The following RIMS2 variants were observed in gnomAD, a reference collection of about 807,000 sequenced individuals.
RIMS2 encodes the protein regulating synaptic membrane exocytosis 2.
RIMS2 carries 59 observed loss-of-function variants against 174.4 expected under a neutral mutation model. The ratio of observed to expected loss-of-function variants is 0.34; its 90% CI spans 0.27 to 0.42. The LOEUF (loss-of-function observed/expected upper bound fraction) is 0.42, where lower values mean the gene tolerates loss of function less well. RIMS2 is among the 10% of genes least tolerant of loss of function. RIMS2 has a pLI of 1.00. For missense variants in RIMS2, 1,620 were observed against 1,666.3 expected, an observed-to-expected ratio of 0.97 and a Z score of 0.48; for synonymous variants, 606 against 572.5, an observed-to-expected ratio of 1.06 and a Z score of -0.84.
intron 1 of RIMS2, among the ~76,000 whole-genome samples, chr8:103,585,222 TAAA>T (rs1181188913): frequency 6.6e-6 from 1 of 152,134 alleles, no homozygotes; most frequent in African/African-American, 2.4e-5. Context: ...TGGCGATTAT[TAAA>T]AAGTCAGGAA....
chr8:103,997,490 A>T (rs543302080), intron 17 of RIMS2, among the ~76,000 whole-genome samples: 1 of 151,950 alleles, frequency 6.6e-6, no homozygotes, highest in South Asian at 2.1e-4. Flanking sequence ...GTTCTAAGAA[A>T]GTAGGAAATT....
intron 19 of RIMS2, among the ~76,000 whole-genome samples, chr8:104,051,025 C>A (rs2096776564): frequency 6.6e-6 from 1 of 152,008 alleles, no homozygotes; most frequent in Non-Finnish European, 1.5e-5. Flanking sequence ...TCACTTGCGT[C>A]CAGGAGTTTG....
At chr8:103,905,820 T>C (rs973926688) in intron 4 of RIMS2, among the ~76,000 whole-genome samples, 1 of 150,542 alleles carries the variant, frequency 6.6e-6, no homozygotes, top group African/African-American at 2.4e-5. Flanking sequence ...GTTTTTCAGA[T>C]TGGGTCATTT....
intron 1 of RIMS2, among the ~76,000 whole-genome samples, chr8:103,547,479 A>T (rs1845664971): frequency 6.6e-6 from 1 of 152,222 alleles, no homozygotes; most frequent in Admixed American, 6.5e-5. Flanking sequence ...ATGATACAAC[A>T]TACCAGAATC....
chr8:103,771,940 A>G (rs1242955342), intron 3 of RIMS2, among the ~76,000 whole-genome samples: 1 of 152,112 alleles, frequency 6.6e-6, no homozygotes, highest in East Asian at 1.9e-4. Context: ...ACCAAGGGTA[A>G]TAAAAATATA....
At chr8:103,880,670 T>C (rs1160158437) in intron 3 of RIMS2, 3 of 538,088 alleles carry the variant, frequency 5.6e-6, no homozygotes, top group African/African-American at 3.8e-5. Context: ...GCTCGACAGA[T>C]GTGCATTGGT....
intron 19 of RIMS2, among the ~76,000 whole-genome samples, chr8:104,202,218 A>G (rs1267487694): frequency 6.6e-6 from 1 of 152,244 alleles, no homozygotes; most frequent in Admixed American, 6.5e-5. Context: ...CAGAATTAGT[A>G]TAGACATACC....
intron 13 of RIMS2, among the ~76,000 whole-genome samples, chr8:103,938,316 G>A (rs1171937696): frequency 6.6e-6 from 1 of 152,170 alleles, no homozygotes; most frequent in Non-Finnish European, 1.5e-5. Context: ...AAGGCAAGGA[G>A]GAGCAAGTCA....
intron 2 of RIMS2, among the ~76,000 whole-genome samples, chr8:103,720,375 T>G (rs2097430364): frequency 6.6e-6 from 1 of 152,228 alleles, no homozygotes; most frequent in African/African-American, 2.4e-5. Flanking sequence ...TCAAATTACA[T>G]CATTTTTGAT....
chr8:103,981,519 C>T (rs1283530631), intron 16 of RIMS2, among the ~76,000 whole-genome samples: 1 of 152,072 alleles, frequency 6.6e-6, no homozygotes, highest in Non-Finnish European at 1.5e-5. Context: ...TCCAGGAAAA[C>T]AAGACTTCAC....
intron 3 of RIMS2, among the ~76,000 whole-genome samples, chr8:103,801,324 A>G (rs1371123178): frequency 6.6e-6 from 1 of 152,192 alleles, no homozygotes; most frequent in Admixed American, 6.5e-5. Flanking sequence ...AGTTTTTTCA[A>G]TGATTATGCA....
chr8:104,007,533 A>G (rs1275984517), intron 17 of RIMS2, among the ~76,000 whole-genome samples: 1 of 152,028 alleles, frequency 6.6e-6, no homozygotes, highest in Non-Finnish European at 1.5e-5. Context: ...TCCATCATCT[A>G]TGTGTCTGCT....
chr8:104,025,203 A>G (rs2096223056), intron 19 of RIMS2, among the ~76,000 whole-genome samples: 1 of 152,194 alleles, frequency 6.6e-6, no homozygotes, highest in Non-Finnish European at 1.5e-5. Flanking sequence ...AATAGTTGTC[A>G]CATAATAGGC....
intron 1 of RIMS2, among the ~76,000 whole-genome samples, chr8:103,659,495 A>G (rs2096570916): frequency 6.6e-6 from 1 of 152,152 alleles, no homozygotes; most frequent in Non-Finnish European, 1.5e-5. Flanking sequence ...TGGCCCTCAG[A>G]CACCTCAAAG....
intron 3 of RIMS2, among the ~76,000 whole-genome samples, chr8:103,849,000 CA>C (rs2154491969): frequency 1.3e-5 from 2 of 152,152 alleles, no homozygotes; most frequent in East Asian, 3.9e-4. Context: ...ATTTGTAATG[CA>C]TCCATTTGGC....
intron 2 of RIMS2, among the ~76,000 whole-genome samples, chr8:103,738,102 T>C (rs2097710148): frequency 6.6e-6 from 1 of 152,210 alleles, no homozygotes; most frequent in South Asian, 2.1e-4. Context: ...TGATTGTTTA[T>C]TAATATGTAA....
chr8:104,235,661 C>T (rs749025385), intron 19 of RIMS2, among the ~76,000 whole-genome samples: 1 of 152,054 alleles, frequency 6.6e-6, no homozygotes, highest in African/African-American at 2.4e-5. Context: ...TTCACTCATA[C>T]ACACACATGC....
In RIMS2 at chr8:103,912,303, G is replaced by A. The variant is rs113406008; in HGVS notation, c.1812+131G>A. On this transcript the variant is annotated intron_variant, in intron 6 of 23. Transcript: ENST00000504942. The stretch of plus-strand genomic sequence containing the variant: ...CATTTTCAATAGTTTGTGAAGATTC[G>A]CACTCATTATCTAAAACATTTCATT... The A allele has an allele frequency of 1.7e-3, 916 of 531,442 alleles. 8 individuals carry two copies. Among genetic ancestry groups the A allele is most frequent in the African/African-American group, 0.016 (822 of 51,632 alleles). The allele number at this position is 531,442 out of a possible 1,614,324, so 32.9% of individuals were successfully genotyped here.
chr8:103,865,389 A>C (rs1023177852), intron 3 of RIMS2, among the ~76,000 whole-genome samples: 1 of 149,076 alleles, frequency 6.7e-6, no homozygotes, highest in African/African-American at 2.5e-5. Flanking sequence ...GGTTCAAGAG[A>C]TTCTCCTACC....
Sources: allele counts gnomAD v4.1 joint callset (sites outside exome capture counted in the v4.1 genomes callset), GRCh38; gene constraint gnomAD v4.1.1; transcripts MANE v1.5; gene names NCBI Gene and HGNC (gene_info 2026-07-23, HGNC 2026-07-21).